Variants in LRRFIP1 observed in about 807,000 individuals in gnomAD.
LRRFIP1 encodes the protein LRR binding FLII interacting protein 1, also known as leucine-rich repeat flightless-interacting protein 1.
A neutral mutation model predicts 104.4 loss-of-function variants in LRRFIP1; 62 were observed. That is an observed-to-expected ratio of 0.59 (90% CI 0.48 to 0.73). The LOEUF is 0.73. LRRFIP1 is among the 30% of genes least tolerant of loss of function. LRRFIP1 has a pLI of 0.00. For missense variants in LRRFIP1, 796 were observed against 824.5 expected, an observed-to-expected ratio of 0.97 and a Z score of 0.42; for synonymous variants, 300 against 299.0, an observed-to-expected ratio of 1.00 and a Z score of -0.03.
chr2:237,657,373 G>A (rs896012825), intron 1 of LRRFIP1, among the ~76,000 whole-genome samples: 6 of 152,158 alleles, frequency 3.9e-5, no homozygotes, highest in Non-Finnish European at 1.5e-5. Context: ...ATTCCATAAA[G>A]AAGAGTCGAA....
chr2:237,766,025 T>C lies in LRRFIP1; in HGVS notation c.1460-3918T>C. The C allele has an allele frequency of 9.4e-6, 6 of 637,544 alleles. No individual in the cohort carries two copies. Among genetic ancestry groups the C allele is most frequent in the Non-Finnish European group, 1.2e-5 (6 of 512,270 alleles). The allele number at this position is 637,544 out of a possible 1,614,324, so 39.5% of individuals were successfully genotyped here. ...GGGGGTTGCTGATTCCTATTGGGGT[T>C]CCGTGGAAGACCCACGCCTGATGCC... On this transcript the variant is annotated intron_variant, in intron 19 of 23. Coordinates refer to ENST00000308482, the MANE Select transcript of LRRFIP1 (RefSeq NM_001137550.2). This position sits in a 1 kb window ranked among gnomAD's most constrained non-coding sequence, Gnocchi z 4.8.
At chr2:237,745,816 A>C (rs1418821204) in intron 11 of LRRFIP1, among the ~76,000 whole-genome samples, 1 of 152,188 alleles carries the variant, frequency 6.6e-6, no homozygotes, top group Admixed American at 6.5e-5. Context: ...CGTGGAGCAA[A>C]CATGCCACAG....
intron 1 of LRRFIP1, among the ~76,000 whole-genome samples, chr2:237,698,376 G>T (rs531887665): frequency 6.6e-6 from 1 of 152,244 alleles, no homozygotes; most frequent in Non-Finnish European, 1.5e-5. Context: ...CAAGCTGGAG[G>T]CTGTGGCTGG....
At chr2:237,632,539 T>C (rs115086847) in intron 1 of LRRFIP1, among the ~76,000 whole-genome samples, 1 of 152,348 alleles carries the variant, frequency 6.6e-6, no homozygotes, top group African/African-American at 2.4e-5. Context: ...TTCGTAAATA[T>C]CGGGTCTTTT....
chr2:237,674,454 G>A (rs891876755), intron 1 of LRRFIP1, among the ~76,000 whole-genome samples: 5 of 152,212 alleles, frequency 3.3e-5, no homozygotes, highest in Admixed American at 3.3e-4. Flanking sequence ...AGTTAAATGA[G>A]AGCTGTGCAG....
intron 14 of LRRFIP1, among the ~76,000 whole-genome samples, chr2:237,752,248 A>C (rs1410212047): frequency 6.6e-6 from 1 of 152,182 alleles, no homozygotes; most frequent in Non-Finnish European, 1.5e-5. Flanking sequence ...TCTACTAAAA[A>C]TATAAAAATT....
At chr2:237,690,693 C>A (rs1026701847) in intron 1 of LRRFIP1, among the ~76,000 whole-genome samples, 2 of 150,362 alleles carry the variant, frequency 1.3e-5, no homozygotes, top group East Asian at 3.9e-4. Context: ...GCCGAGATCG[C>A]GCCATTGCAC....
At chr2:237,770,473 G>A (rs2060520123) in intron 20 of LRRFIP1, 1 of 162,756 alleles carries the variant, frequency 6.1e-6, no homozygotes, top group African/African-American at 2.4e-5. Context: ...TTTTAACCAT[G>A]TTTATCTTCA....
chr2:237,668,285 C>T (rs2089802461), intron 1 of LRRFIP1, among the ~76,000 whole-genome samples: 1 of 152,144 alleles, frequency 6.6e-6, no homozygotes, highest in Non-Finnish European at 1.5e-5. Context: ...TCCTAGTGAT[C>T]CTAGGACATG....
chr2:237,764,498 T>A, intron 19 of LRRFIP1: 1 of 1,121,448 alleles, frequency 8.9e-7, no homozygotes, highest in East Asian at 5.9e-5. Flanking sequence ...TATATCAGCA[T>A]CTAATTGAAA....
At chr2:237,666,064 G>A (rs927938940) in intron 1 of LRRFIP1, among the ~76,000 whole-genome samples, 79 of 152,174 alleles carry the variant, frequency 5.2e-4, no homozygotes, top group Non-Finnish European at 1.1e-3. Flanking sequence ...CTGCACCACC[G>A]ATTGTCCACA....
intron 11 of LRRFIP1, among the ~76,000 whole-genome samples, chr2:237,741,536 A>G (rs1158721279): frequency 6.6e-6 from 1 of 152,202 alleles, no homozygotes; most frequent in Non-Finnish European, 1.5e-5. Context: ...AGAAAAGAAA[A>G]TGTAAGTATT....
In LRRFIP1 at chr2:237,645,460, C is replaced by G. The variant is rs556622007; in HGVS notation, c.96+17720C>G. 1.9e-4 allele frequency among the ~76,000 whole-genome samples: 28 copies of G among 149,020 alleles called. 1 individual carries two copies. The highest frequency in any genetic ancestry group is 6.0e-4 in the African/African-American group (25 of 41,388). On this transcript the variant is annotated intron_variant, in intron 1 of 23. Transcript: ENST00000308482. ...CATGGACTCCGACACCTTCCTACCC[C>G]TCACCGTTCCCCTCTCCTCCGACTT... is the stretch of plus-strand genomic sequence containing the variant.
In LRRFIP1 at chr2:237,735,399, G is replaced by A; in HGVS notation, c.555+66G>A. ...CTGCATGGCCTGGGGATGCTCGCTGGGCAGGGTCCAGCCGTGGGGGGTGAC... is the reference window on the plus strand; with the variant it reads ...CTGCATGGCCTGGGGATGCTCGCTGAGCAGGGTCCAGCCGTGGGGGGTGAC... On this transcript the variant is annotated intron_variant, in intron 10 of 23. Transcript: ENST00000308482. The surrounding 1 kb of genome is among the most constrained non-coding windows in gnomAD (Gnocchi z 4.6). The A allele has an allele frequency of 6.6e-7, 1 of 1,513,348 alleles. No individual in the cohort carries two copies. The highest frequency in any genetic ancestry group is 1.4e-5 in the African/African-American group (1 of 72,822). 93.7% of individuals were successfully genotyped at this position (1,513,348 alleles called of 1,614,324 possible). A position where few individuals can be genotyped will look rare whatever the true frequency, so the allele number is the denominator to read the frequency against.
intron 19 of LRRFIP1, 106 bp downstream of exon 19, chr2:237,760,311 C>T: frequency 4.1e-6 from 5 of 1,227,840 alleles, no homozygotes; most frequent in Non-Finnish European, 5.6e-6. Context: ...GGTTAACAGT[C>T]ACCAGCATGC....
intron 1 of LRRFIP1, among the ~76,000 whole-genome samples, chr2:237,640,164 A>G (rs1225864103): frequency 2.0e-5 from 3 of 152,140 alleles, no homozygotes; most frequent in Non-Finnish European, 1.5e-5. Flanking sequence ...GGAAATTAGT[A>G]CAGAGGGGGC....
intron 1 of LRRFIP1, among the ~76,000 whole-genome samples, chr2:237,646,878 A>T (rs6744406): frequency 0.2 from 30,856 of 151,872 alleles, 3,915 homozygotes; most frequent in Non-Finnish European, 0.27. Flanking sequence ...ACAGCAGCCT[A>T]AGCAGACTGA....
intron 5 of LRRFIP1, among the ~76,000 whole-genome samples, chr2:237,719,940 C>CTTTTTTTTTTTTTTTTT (rs57355213): frequency 9.6e-6 from 1 of 103,974 alleles, no homozygotes; most frequent in Non-Finnish European, 1.9e-5. Context: ...GATGAAATTA[C>CTTTTTTTTTTTTTTTTT]TTTTTTTTTT....
intron 17 of LRRFIP1, among the ~76,000 whole-genome samples, chr2:237,757,777 GA>G (rs2059422398): frequency 6.6e-6 from 1 of 152,126 alleles, no homozygotes; most frequent in Non-Finnish European, 1.5e-5. Context: ...AGGGTCTTGT[GA>G]ATGCGTAGCT....
Sources: gnomAD v4.1 joint callset for allele counts (sites outside exome capture counted in the v4.1 genomes callset) on GRCh38, gnomAD v4.1.1 for gene constraint, Gnocchi (gnomAD v3.1) non-coding constraint, MANE v1.5 for transcripts, NCBI Gene and HGNC (gene_info 2026-07-23, HGNC 2026-07-21) for gene names.